The following CAMTA1 variants were observed in gnomAD, a reference collection of about 807,000 sequenced individuals.
The protein encoded by CAMTA1 is calmodulin binding transcription activator 1, also known as calmodulin-binding transcription activator 1.
Under a neutral mutation model 170.9 loss-of-function variants are expected in CAMTA1, and 27 were observed. The ratio of observed to expected loss-of-function variants is 0.16; its 90% CI spans 0.12 to 0.22. The LOEUF (loss-of-function observed/expected upper bound fraction) is 0.22, where lower values mean the gene tolerates loss of function less well. Ranked by LOEUF, CAMTA1 falls within the 10% of genes least tolerant of loss-of-function variation. The pLI, the probability that CAMTA1 is intolerant of heterozygous loss-of-function variation, is 1.00. For synonymous variants in CAMTA1, 833 were observed against 891.5 expected (o/e 0.93, Z 1.17); for missense variants, 1,619 against 2,217.2 (o/e 0.73, Z 5.42).
chr1:7,218,103 T>C (rs1352322786), intron 4 of CAMTA1, among the ~76,000 whole-genome samples: 1 of 152,246 alleles, frequency 6.6e-6, no homozygotes, highest in Non-Finnish European at 1.5e-5. Context: ...TCTTTGAGTT[T>C]TATGAAACTG....
At chr1:7,209,679 T>C (rs1573913619) in intron 4 of CAMTA1, among the ~76,000 whole-genome samples, 1 of 152,208 alleles carries the variant, frequency 6.6e-6, no homozygotes, top group African/African-American at 2.4e-5. Context: ...CTGGTTTACC[T>C]TGAATGTTGA....
At chr1:7,220,589 T>A (rs946352683) in intron 4 of CAMTA1, among the ~76,000 whole-genome samples, 2 of 152,190 alleles carry the variant, frequency 1.3e-5, no homozygotes, top group African/African-American at 4.8e-5. Flanking sequence ...TCTCTTGTTC[T>A]CTGTGGGTTC....
intron 18 of CAMTA1, 74 bp from the exon 19 acceptor site, chr1:7,747,636 G>A: frequency 2.1e-6 from 2 of 946,248 alleles, no homozygotes; most frequent in Non-Finnish European, 3.2e-6. Flanking sequence ...TGCATTAAAT[G>A]AGTAGTAATA....
intron 5 of CAMTA1, among the ~76,000 whole-genome samples, chr1:7,454,135 C>T (rs1434849218): frequency 1.3e-5 from 2 of 152,180 alleles, no homozygotes; most frequent in African/African-American, 2.4e-5. Flanking sequence ...GCAGGGCTCT[C>T]GAGTCCTTGG....
intron 3 of CAMTA1, among the ~76,000 whole-genome samples, chr1:7,090,957 G>A (rs975460631): frequency 4.6e-5 from 7 of 152,168 alleles, no homozygotes; most frequent in Admixed American, 6.5e-5. Flanking sequence ...GTCTCGCATC[G>A]TGGAGAATTG....
At chr1:7,529,430 G>A (rs541500169) in intron 6 of CAMTA1, among the ~76,000 whole-genome samples, 83 of 152,134 alleles carry the variant, frequency 5.5e-4, no homozygotes, top group Non-Finnish European at 3.2e-4. Context: ...GACCCCGTGC[G>A]ACAGTACCCG....
At chr1:7,337,752 C>T (rs542860897) in intron 5 of CAMTA1, among the ~76,000 whole-genome samples, 1 of 152,236 alleles carries the variant, frequency 6.6e-6, no homozygotes, top group South Asian at 2.1e-4. Context: ...GAGAGCAGAC[C>T]GAGGTTTCCC....
intron 11 of CAMTA1, among the ~76,000 whole-genome samples, chr1:7,687,068 C>T (rs1171663714): frequency 6.6e-6 from 1 of 151,798 alleles, no homozygotes; most frequent in Non-Finnish European, 1.5e-5. Flanking sequence ...AATGAGAGAT[C>T]CAGAATGGAG....
At chr1:7,316,858 C>T (rs1156786421) in intron 5 of CAMTA1, among the ~76,000 whole-genome samples, 2 of 152,090 alleles carry the variant, frequency 1.3e-5, no homozygotes, top group Non-Finnish European at 2.9e-5. Flanking sequence ...TGAGCTGAAA[C>T]TTGAGGGTGA....
chr1:7,732,298 G>A lies in CAMTA1; in HGVS notation c.2915-150G>A, dbSNP rs1158078795. The A allele has an allele frequency of 1.2e-5, 8 of 646,846 alleles. No individual in the cohort carries two copies. The highest frequency in any genetic ancestry group is 7.6e-5 in the Admixed American group (3 of 39,650). 40.1% of individuals were successfully genotyped at this position (646,846 alleles called of 1,614,324 possible). On this transcript the variant is annotated intron_variant, in intron 11 of 22. Coordinates refer to ENST00000303635, the MANE Select transcript of CAMTA1 (RefSeq NM_015215.4). The surrounding 1 kb of genome is among the most constrained non-coding windows in gnomAD (Gnocchi z 4.1). ...GTGAGGTGGTGACAGATTCACGATC[G>A]TGCTGGGGAACTCTGGCTGGCGGAG... is the stretch of plus-strand genomic sequence containing the variant.
intron 6 of CAMTA1, among the ~76,000 whole-genome samples, chr1:7,550,609 C>T (rs1451080306): frequency 1.3e-5 from 2 of 151,748 alleles, no homozygotes; most frequent in Non-Finnish European, 2.9e-5. Context: ...CTTTTCCTAC[C>T]TGGCCCCCTC....
chr1:7,468,574 G>A (rs921906793), intron 6 of CAMTA1, among the ~76,000 whole-genome samples: 6 of 152,234 alleles, frequency 3.9e-5, no homozygotes, highest in Admixed American at 6.5e-5. Context: ...CTTGCCTGCC[G>A]TGTGGGCGGG....
Position 6,847,728 on chromosome 1 carries a change from G to A in CAMTA1, c.234+22518G>A, listed in dbSNP as rs560076906. Among the ~76,000 whole-genome samples the A allele has an allele frequency of 4.0e-5, 6 of 149,124 alleles. No individual in the cohort carries two copies. The South Asian group carries it at 1.1e-3, about 27-fold the overall frequency. On this transcript the variant is annotated intron_variant, in intron 3 of 22. Coordinates refer to ENST00000303635, the MANE Select transcript of CAMTA1 (RefSeq NM_015215.4). Reference sequence around the variant, plus strand: ...CTAACTTTTTTTTTTTTTTGAGATGGAGTCCCCCTCTGTCACCCAGGCTGG... The same window carrying A: ...CTAACTTTTTTTTTTTTTTGAGATGAAGTCCCCCTCTGTCACCCAGGCTGG...
chr1:7,449,380 C>T (rs78185510), intron 5 of CAMTA1, among the ~76,000 whole-genome samples: 2,227 of 152,294 alleles, frequency 0.015, 52 homozygotes, highest in African/African-American at 0.051. Flanking sequence ...GAGCAGCTCC[C>T]ACCAGGGTAG....
Position 7,665,418 on chromosome 1 carries a change from G to A in CAMTA1, c.2652+219G>A, listed in dbSNP as rs1388589329. On this transcript the variant is annotated intron_variant, in intron 9 of 22. Transcript: ENST00000303635. This position sits in a 1 kb window ranked among gnomAD's most constrained non-coding sequence, Gnocchi z 4.3. ...CTTCACTGGGGCAAGTAGCTTTAAA[G>A]TCAGGGGGTCTTTGGCCGGGTGCCA... Among the ~76,000 whole-genome samples the A allele has an allele frequency of 6.6e-6, 1 of 152,232 alleles. No individual in the cohort carries two copies. The highest frequency in any genetic ancestry group is 1.5e-5 in the Non-Finnish European group (1 of 68,042).
chr1:7,028,782 G>T (rs879657694), intron 3 of CAMTA1, among the ~76,000 whole-genome samples: 2 of 152,186 alleles, frequency 1.3e-5, no homozygotes, highest in Non-Finnish European at 2.9e-5. Context: ...GACTGTCAGA[G>T]GTAGGTGGAT....
At chr1:6,885,529 C>T (rs183063682) in intron 3 of CAMTA1, among the ~76,000 whole-genome samples, 87 of 152,336 alleles carry the variant, frequency 5.7e-4, no homozygotes, top group African/African-American at 1.9e-3. Flanking sequence ...GCATAGCCAG[C>T]GTAGCCTTAA....
chr1:7,557,164 G>A (rs555241404), intron 6 of CAMTA1, among the ~76,000 whole-genome samples: 11 of 151,934 alleles, frequency 7.2e-5, no homozygotes, highest in South Asian at 2.1e-4. Context: ...AAAAATTAGC[G>A]GGGCGTGGCA....
chr1:7,185,266 A>G (rs1314484799), intron 4 of CAMTA1, among the ~76,000 whole-genome samples: 2 of 152,178 alleles, frequency 1.3e-5, no homozygotes, highest in African/African-American at 2.4e-5. Context: ...TAGTAAACCT[A>G]CCACCCTGAT....
Sources: gnomAD v4.1 joint callset for allele counts (sites outside exome capture counted in the v4.1 genomes callset) on GRCh38, gnomAD v4.1.1 for gene constraint, Gnocchi (gnomAD v3.1) non-coding constraint, MANE v1.5 for transcripts, NCBI Gene and HGNC (gene_info 2026-07-23, HGNC 2026-07-21) for gene names.